WWP1: variants seen among roughly 807,000 people sequenced by gnomAD.
The protein encoded by WWP1 is WW domain containing E3 ubiquitin protein ligase 1.
A neutral mutation model predicts 130.6 loss-of-function variants in WWP1; 49 were observed. The observed-to-expected ratio is 0.38, with a 90% CI of 0.30 to 0.48. WWP1 has a LOEUF of 0.48. Among genes scored for constraint, WWP1 ranks in the 20% least tolerant of loss-of-function variants. The pLI is 0.99. For synonymous variants in WWP1, 332 were observed against 367.8 expected (o/e 0.90, Z 1.11); for missense variants, 809 against 1,100.6 (o/e 0.74, Z 3.75).
At chr8:86,463,314 T>G (rs1433723886) in intron 24 of WWP1, among the ~76,000 whole-genome samples, 1 of 152,094 alleles carries the variant, frequency 6.6e-6, no homozygotes, top group Non-Finnish European at 1.5e-5. Context: ...TGTTTGTTTT[T>G]TTGTTTTTTT....
chr8:86,406,186 T>C (rs543736746), intron 8 of WWP1, among the ~76,000 whole-genome samples: 11 of 152,260 alleles, frequency 7.2e-5, no homozygotes, highest in Admixed American at 2.6e-4. Flanking sequence ...CTTGGACAAA[T>C]TGAACATCCT....
rs1488796127 is a variant in WWP1 at position 86,431,707 on chromosome 8, C to T, written c.1565C>T (p.Thr522Ile). 6.2e-7 allele frequency: 1 copy of T among 1,613,690 alleles called. No homozygotes were observed. The change falls in exon 14 of 25, where the codon ACA (threonine) becomes ATA (isoleucine). Residue 522 changes from threonine (T) to isoleucine (I), a missense_variant. Thr to Ile is a moderately conservative substitution (Grantham distance 89). This residue lies in a region of WWP1 where 450 missense variants were observed against 674.2 expected (regional missense o/e 0.67). Coordinates refer to ENST00000517970, the MANE Select transcript of WWP1 (RefSeq NM_007013.4). ...RYFVDHNTRTTTFKDPRNGKS... is the reference protein window; with the variant it reads ...RYFVDHNTRTITFKDPRNGKS... ...TTTGTTGATCATAACACAAGAACAA[C>T]AACATTCAAAGATCCTCGCAATGGG...
rs1012854279 is a variant in WWP1 at position 86,389,723 on chromosome 8, C to A, written c.334+8094C>A. The stretch of plus-strand genomic sequence containing the variant: ...GCAGACGGGCTCCTCACTTCCCAGA[C>A]GGGGCGGCCGGGCAGAGGCGCCCCC... On this transcript the variant is annotated intron_variant, in intron 5 of 24. Transcript: ENST00000517970. Among the ~76,000 whole-genome samples the A allele has an allele frequency of 3.3e-5, 5 of 152,222 alleles. No homozygotes were observed. The East Asian group carries it at 5.8e-4, about 18-fold the overall frequency.
intron 17 of WWP1, among the ~76,000 whole-genome samples, chr8:86,442,006 C>A (rs1332582945): frequency 6.6e-6 from 1 of 151,782 alleles, no homozygotes; most frequent in Non-Finnish European, 1.5e-5. Flanking sequence ...AAAGATTTAA[C>A]CTTTTAAATT....
intron 1 of WWP1, among the ~76,000 whole-genome samples, chr8:86,365,192 A>G (rs1434794638): frequency 1.3e-5 from 2 of 152,214 alleles, no homozygotes; most frequent in African/African-American, 2.4e-5. Flanking sequence ...GTGATAACGA[A>G]TAGTAAGAAT....
Position 86,457,970 on chromosome 8 carries a change from A to C in WWP1, c.2444A>C (p.Asn815Thr). The change falls in exon 22 of 25, where the codon AAT (asparagine) becomes ACT (threonine). Residue 815 changes from asparagine (N) to threonine (T), a missense_variant. Asn to Thr is a moderately conservative substitution (Grantham distance 65). Coordinates refer to ENST00000517970, the MANE Select transcript of WWP1 (RefSeq NM_007013.4). ...QEVDLADWQR[N>T]TVYRHYTRNS... ...GTTGACTTGGCAGATTGGCAGAGAA[A>C]TACTGTTTATCGACATTATACAAGA... 1.2e-6 allele frequency: 2 copies of C among 1,613,282 alleles called. No homozygotes were observed. Among genetic ancestry groups the C allele is most frequent in the Non-Finnish European group, 1.7e-6 (2 of 1,179,360 alleles).
chr8:86,402,535 G>T (rs1265018300), intron 8 of WWP1, among the ~76,000 whole-genome samples: 5 of 152,080 alleles, frequency 3.3e-5, no homozygotes, highest in Admixed American at 3.3e-4. Flanking sequence ...CAAGTGATCT[G>T]CCCACCTCAG....
At chr8:86,345,523 C>T (rs888589217) in intron 1 of WWP1, among the ~76,000 whole-genome samples, 2 of 152,120 alleles carry the variant, frequency 1.3e-5, no homozygotes, top group African/African-American at 4.8e-5. Flanking sequence ...GATTCTCCTG[C>T]CTCAGTCTCC....
At chr8:86,405,681 G>A (rs1268788772) in intron 8 of WWP1, among the ~76,000 whole-genome samples, 1 of 152,008 alleles carries the variant, frequency 6.6e-6, no homozygotes, top group African/African-American at 2.4e-5. Context: ...ATAGGCATGT[G>A]CCACCATGCC....
chr8:86,391,268 C>T (rs1807322398), intron 5 of WWP1, among the ~76,000 whole-genome samples: 1 of 152,202 alleles, frequency 6.6e-6, no homozygotes, highest in African/African-American at 2.4e-5. Context: ...GCTTTTGCTC[C>T]TTTAATCCTC....
At chr8:86,396,724 G>T (rs1054111402) in intron 5 of WWP1, among the ~76,000 whole-genome samples, 2 of 151,952 alleles carry the variant, frequency 1.3e-5, no homozygotes, top group Non-Finnish European at 2.9e-5. Context: ...CTCCTGAATA[G>T]CTGGGAATAC....
In WWP1 at chr8:86,438,626, T is replaced by C. The variant is rs1218696101; in HGVS notation, c.1791T>C (p.Tyr597=). 3.1e-6 allele frequency: 5 copies of C among 1,608,444 alleles called. No homozygotes were observed. Among genetic ancestry groups the C allele is most frequent in the African/African-American group, 2.7e-5 (2 of 74,600 alleles). The change falls in exon 17 of 25, where the codon TAT becomes TAC. Residue 597 remains tyrosine, a synonymous_variant. Transcript: ENST00000517970. ...LKPYDLRRRL[Y]VIFRGEEGLD... ...CCTATGACTTGAGGAGGCGCTTATA[T>C]GTAATATTTAGAGGAGAAGAAGGAC... is the stretch of plus-strand genomic sequence containing the variant.
At position 86,362,106 on chromosome 8, in the gene WWP1, C is replaced by CAT. The variant is rs1211657476; in HGVS notation, c.-114-6823_-114-6822dup. Among the ~76,000 whole-genome samples, 12 of 96,488 alleles carry CAT rather than the reference C, an allele frequency of 1.2e-4. 1 individual carries two copies. The highest frequency in any genetic ancestry group is 7.5e-4 in the East Asian group (3 of 4,014). 63.3% of individuals were successfully genotyped at this position (96,488 alleles called of 152,430 possible). ...TACACACATATATATATACACTAGGCATATATATATACACTAGGCATATGT... is the reference window on the plus strand; with the variant it reads ...TACACACATATATATATACACTAGGCATATATATATATACACTAGGCATATGT... On this transcript the variant is annotated intron_variant, in intron 1 of 24. Transcript: ENST00000517970.
rs573001714 is a variant in WWP1 at position 86,450,243 on chromosome 8, A to G, written c.2273+1730A>G. Among the ~76,000 whole-genome samples the G allele has an allele frequency of 9.9e-5, 15 of 152,264 alleles. No individual in the cohort carries two copies. In the East Asian group the frequency reaches 2.7e-3, roughly 27 times the overall value. On this transcript the variant is annotated intron_variant, in intron 20 of 24. Coordinates refer to ENST00000517970, the MANE Select transcript of WWP1 (RefSeq NM_007013.4). ...CCTCTTCTTATTTTTCTGCTAAACC[A>G]GTCATCTCTGAGTGAGAGAAGTTAC... is the stretch of plus-strand genomic sequence containing the variant.
rs1391553155 is a variant in WWP1, at chr8:86,342,581, G to A, written c.-464G>A. ...CCGGAGTTGGAGGCTTTGGGCGGCC[G>A]CGGCGTAGCGCGCGGTGCCGGGGCC... is the stretch of plus-strand genomic sequence containing the variant. On this transcript the variant is annotated 5_prime_UTR_variant, in exon 1 of 25. Transcript: ENST00000517970. Among the ~76,000 whole-genome samples the A allele has an allele frequency of 6.6e-6, 1 of 150,820 alleles. No individual in the cohort carries two copies. The highest frequency in any genetic ancestry group is 1.5e-5 in the Non-Finnish European group (1 of 67,622).
In WWP1 at chr8:86,424,997, A is replaced by G. The variant is rs536111154; in HGVS notation, c.1062-226A>G. Among the ~76,000 whole-genome samples, 5 of 152,250 alleles carry G rather than the reference A, an allele frequency of 3.3e-5. No individual in the cohort carries two copies. The South Asian group carries it at 1.0e-3, about 32-fold the overall frequency. ...CTGCTAACTATACTTTGAGTTTCCA[A>G]TACTGTAATAAAAAGGGAATAATTA... On this transcript the variant is annotated intron_variant, in intron 9 of 24. Coordinates refer to ENST00000517970, the MANE Select transcript of WWP1 (RefSeq NM_007013.4).
chr8:86,445,984 T>TCTTTC (rs1563540965), intron 18 of WWP1, among the ~76,000 whole-genome samples: 5 of 133,760 alleles, frequency 3.7e-5, no homozygotes, highest in African/African-American at 1.4e-4. Context: ...TTCTTTTTTT[T>TCTTTC]TTTTTTTTTT....
chr8:86,407,278 A>G (rs187504566), intron 8 of WWP1, among the ~76,000 whole-genome samples: 49 of 151,840 alleles, frequency 3.2e-4, no homozygotes, highest in Admixed American at 1.4e-3. Context: ...TATCTGTTCA[A>G]TCTTTCTTAT....
chr8:86,399,875 C>T (rs953761821), intron 7 of WWP1, among the ~76,000 whole-genome samples: 1 of 152,090 alleles, frequency 6.6e-6, no homozygotes, highest in South Asian at 2.1e-4. Flanking sequence ...ACTTCCTAAA[C>T]ACATCTTGTT....
Sources: allele counts gnomAD v4.1 joint callset (sites outside exome capture counted in the v4.1 genomes callset), GRCh38; gene constraint gnomAD v4.1.1; regional missense constraint gnomAD v4.1.1; transcripts MANE v1.5; gene names NCBI Gene and HGNC (gene_info 2026-07-23, HGNC 2026-07-21).